Variants in ACTR3C observed in about 807,000 individuals in gnomAD.
The protein encoded by ACTR3C is actin-related protein 3C.
ACTR3C carries 18 observed loss-of-function variants against 26.3 expected under a neutral mutation model. The ratio of observed to expected loss-of-function variants is 0.68; its 90% CI spans 0.47 to 1.01. The LOEUF is 1.01. ACTR3C is among the 50% of genes least tolerant of loss of function. The pLI is 0.00. For missense variants in ACTR3C, 184 were observed against 250.7 expected (o/e 0.73, Z 1.80); for synonymous variants, 55 against 94.5 (o/e 0.58, Z 2.42).
the ACTR3C span, among the ~76,000 whole-genome samples, chr7:149,918,159 T>C: frequency 6.6e-6 from 1 of 152,096 alleles, no homozygotes. Context: ...CTATTTCTCC[T>C]TCTGAGTACT....
At chr7:150,295,156 A>C (rs994912637) in intron 2 of ACTR3C, 96 bp downstream of exon 2, 1 of 1,417,286 alleles carries the variant, frequency 7.1e-7, no homozygotes, top group Non-Finnish European at 9.7e-7. Flanking sequence ...AAGGGCACAC[A>C]GCGCAGTCTT....
the ACTR3C span, among the ~76,000 whole-genome samples, chr7:150,123,846 C>T: frequency 6.6e-6 from 1 of 152,192 alleles, no homozygotes; most frequent in East Asian, 1.9e-4. Context: ...AGGGTGCTAT[C>T]CCCTGAGCAG....
intron 6 of ACTR3C, among the ~76,000 whole-genome samples, chr7:150,273,614 C>CT (rs1445289194): frequency 6.6e-6 from 1 of 150,494 alleles, no homozygotes; most frequent in Non-Finnish European, 1.5e-5. Context: ...GGTTTGTTTA[C>CT]TTTCGCAGTT....
chr7:150,045,923 T>C, the ACTR3C span, among the ~76,000 whole-genome samples: 229 of 152,158 alleles, frequency 1.5e-3, no homozygotes, highest in Non-Finnish European at 2.6e-3. Flanking sequence ...CCTGTTTGCA[T>C]TGCAGCTTAA....
At chr7:150,063,436 A>G in the ACTR3C span, among the ~76,000 whole-genome samples, 2 of 151,248 alleles carry the variant, frequency 1.3e-5, no homozygotes, top group African/African-American at 4.9e-5. Context: ...ATATAAACCA[A>G]CTGAACTCTT....
the ACTR3C span, among the ~76,000 whole-genome samples, chr7:149,931,580 T>A: frequency 6.6e-6 from 1 of 152,186 alleles, no homozygotes; most frequent in Non-Finnish European, 1.5e-5. Flanking sequence ...ACTAAGGAGC[T>A]GCTTCATGGA....
At chr7:150,047,668 C>T in the ACTR3C span, 59 of 835,554 alleles carry the variant, frequency 7.1e-5, no homozygotes, top group Non-Finnish European at 7.9e-5. Context: ...CCATCCGCGC[C>T]GCCGCCGCCG....
the ACTR3C span, among the ~76,000 whole-genome samples, chr7:150,033,249 G>A: frequency 6.6e-6 from 1 of 152,096 alleles, no homozygotes; most frequent in African/African-American, 2.4e-5. Flanking sequence ...CTTGCTAGCT[G>A]GGTTGCAAAA....
the ACTR3C span, among the ~76,000 whole-genome samples, chr7:150,212,251 T>C: frequency 6.8e-6 from 1 of 147,662 alleles, no homozygotes; most frequent in Admixed American, 6.6e-5. Context: ...ATAATTGAAG[T>C]ACTGCATTTG....
the ACTR3C span, among the ~76,000 whole-genome samples, chr7:150,037,927 GC>G: frequency 9.1e-5 from 12 of 131,148 alleles, 4 homozygotes; most frequent in South Asian, 7.2e-4. Context: ...CGCGAGGGGT[GC>G]CTCCCCCCCT....
the ACTR3C span, among the ~76,000 whole-genome samples, chr7:150,220,869 G>A: frequency 2.0e-5 from 3 of 152,304 alleles, no homozygotes; most frequent in Admixed American, 6.5e-5. Context: ...GCGGTCATCA[G>A]TGCGGACTCC....
downstream of ACTR3C, among the ~76,000 whole-genome samples, chr7:150,243,503 C>T (rs370100819): frequency 0.087 from 13,172 of 151,502 alleles, 1,659 homozygotes; most frequent in African/African-American, 0.3. Flanking sequence ...AAATATCATA[C>T]ACATACTTTT....
At chr7:150,054,301 C>A in the ACTR3C span, among the ~76,000 whole-genome samples, 31 of 152,184 alleles carry the variant, frequency 2.0e-4, no homozygotes, top group African/African-American at 7.2e-4. Flanking sequence ...CACCCCAGGC[C>A]CCCTGCAGGG....
chr7:149,952,900 T>G, the ACTR3C span, among the ~76,000 whole-genome samples: 1 of 151,964 alleles, frequency 6.6e-6, no homozygotes, highest in Non-Finnish European at 1.5e-5. Context: ...AAGATAATTC[T>G]CCAACACACC....
chr7:150,284,740 A>C lies in ACTR3C; in HGVS notation c.564+13T>G, dbSNP rs1435834053. ...GGAATGAAATCAAAGTACCTTACCC[A>C]TGCAGCTCATACCTTATACAGCGGA... On this transcript the variant is annotated intron_variant, in intron 6 of 7. Transcript: ENST00000683684. 2 of 1,590,096 alleles carry C rather than the reference A, an allele frequency of 1.3e-6. No homozygotes were observed. Among genetic ancestry groups the C allele is most frequent in the South Asian group, 1.2e-5 (1 of 86,154 alleles).
chr7:150,002,341 G>A, the ACTR3C span: 1 of 149,434 alleles, frequency 6.7e-6, no homozygotes, highest in Non-Finnish European at 1.5e-5. Context: ...GATAACATGA[G>A]CAGAAACATG....
the ACTR3C span, among the ~76,000 whole-genome samples, chr7:149,999,740 G>C: frequency 6.6e-6 from 1 of 151,112 alleles, no homozygotes; most frequent in African/African-American, 2.4e-5. Context: ...TGTGGAGACA[G>C]GCAGCTGCAG....
chr7:150,126,561 C>T, the ACTR3C span, among the ~76,000 whole-genome samples: 1 of 152,194 alleles, frequency 6.6e-6, no homozygotes, highest in Non-Finnish European at 1.5e-5. Flanking sequence ...TGAATGAGCC[C>T]ACTGTCTATA....
Position 150,312,740 on chromosome 7 carries a change from C to T in ACTR3C, c.-52+10729G>A, listed in dbSNP as rs577045508. The stretch of plus-strand genomic sequence containing the variant: ...GTCCTGAGAAACATCGCCCCTACCC[C>T]CATAATCCCCAGAAAAAACCGATAT... On this transcript the variant is annotated intron_variant, in intron 1 of 7. Coordinates refer to ENST00000683684, the MANE Select transcript of ACTR3C (RefSeq NM_001164458.2). Among the ~76,000 whole-genome samples the T allele has an allele frequency of 2.6e-5, 4 of 152,260 alleles. No homozygotes were observed. The South Asian group carries it at 8.3e-4, about 32-fold the overall frequency.
Sources: gnomAD v4.1 joint callset for allele counts (sites outside exome capture counted in the v4.1 genomes callset) on GRCh38, gnomAD v4.1.1 for gene constraint, MANE v1.5 for transcripts, NCBI Gene and HGNC (gene_info 2026-07-23, HGNC 2026-07-21) for gene names.